Variants in PCDHGA4 observed in about 807,000 individuals in gnomAD.
PCDHGA4 encodes the protein protocadherin gamma subfamily A, 4.
A neutral mutation model predicts 54.6 loss-of-function variants in PCDHGA4; 38 were observed. That is an observed-to-expected ratio of 0.70 (90% confidence interval 0.54 to 0.91). The LOEUF (loss-of-function observed/expected upper bound fraction) is 0.91, where lower values mean the gene tolerates loss of function less well. Ranked by LOEUF, PCDHGA4 falls within the 40% of genes least tolerant of loss-of-function variation. The pLI, the probability that PCDHGA4 is intolerant of heterozygous loss-of-function variation, is 0.00. For synonymous variants in PCDHGA4, 511 were observed against 512.9 expected (o/e 1.00, Z 0.05); for missense variants, 1,298 against 1,220.9 (o/e 1.06, Z -0.94).
chr5:141,439,441 T>C (rs2098112892), intron 1 of PCDHGA4, among the ~76,000 whole-genome samples: 2 of 152,348 alleles, frequency 1.3e-5, no homozygotes, highest in South Asian at 4.1e-4. Context: ...GAATATTTTA[T>C]TGCGGGAGCA....
intron 1 of PCDHGA4, chr5:141,384,549 G>T (rs1561602881): frequency 6.2e-7 from 1 of 1,614,244 alleles, no homozygotes; most frequent in East Asian, 2.2e-5. Flanking sequence ...CACTGAGCCT[G>T]TTCGTGCTGG....
intron 1 of PCDHGA4, chr5:141,414,350 C>T (rs1450829111): frequency 1.9e-6 from 3 of 1,613,726 alleles, no homozygotes; most frequent in Admixed American, 1.7e-5. Flanking sequence ...TCCATTTTGG[C>T]GTATCTACCA....
rs1260157676 is a variant in PCDHGA4, at chr5:141,373,137, T to G, written c.2514+15516T>G. On this transcript the variant is annotated intron_variant, in intron 1 of 3. Transcript: ENST00000571252. ...CAGAATTAGACCCAAATCCTCACAA[T>G]TAAGTGGTTTACTTAGTTTTAATGC... Among the ~76,000 whole-genome samples, 5 of 152,372 alleles carry G rather than the reference T, an allele frequency of 3.3e-5. No individual in the cohort carries two copies. The East Asian group carries it at 7.7e-4, about 23-fold the overall frequency.
In PCDHGA4 at chr5:141,356,341, C is replaced by T. The variant is rs1022494499; in HGVS notation, c.1234C>T (p.Leu412=). 4.5e-6 allele frequency: 7 copies of T among 1,554,834 alleles called. No homozygotes were observed. Among genetic ancestry groups the T allele is most frequent in the Non-Finnish European group, 6.1e-6 (7 of 1,148,648 alleles). Residue 412 remains leucine, a synonymous_variant, in exon 1 of 4, where the codon CTA becomes TTA. Transcript: ENST00000571252. ...TGACAGTGACTCAGGAGGAAATGGC[C>T]TAGTCACATGTTCTATTCCAGATAA... ...VHDSDSGGNG[L]VTCSIPDNLP...
intron 1 of PCDHGA4, chr5:141,389,528 G>A (rs200792478): frequency 1.2e-6 from 2 of 1,613,210 alleles, no homozygotes; most frequent in East Asian, 2.2e-5. Context: ...GCCTGCGCGT[G>A]TTAGTGGACG....
At chr5:141,362,108 C>T in intron 1 of PCDHGA4, 13 of 1,613,972 alleles carry the variant, frequency 8.1e-6, no homozygotes, top group Non-Finnish European at 1.1e-5. Flanking sequence ...TCCGCTACGG[C>T]CACGCTGCAC....
rs2095943632 is a variant in PCDHGA4 at position 141,415,767 on chromosome 5, TTTTTTACTTTC to T, written c.2514+58148_2514+58158del. ...TTTTTTTTTTTTTTTTTTTTTTTTT[TTTTTTACTTTC>T]TGGTAAAATTCACCTAGTCTCAATC... is the stretch of plus-strand genomic sequence containing the variant. On this transcript the variant is annotated intron_variant, in intron 1 of 3. Transcript: ENST00000571252. 3.1e-6 allele frequency: 4 copies of T among 1,300,754 alleles called. No individual in the cohort carries two copies. The Admixed American group carries it at 1.4e-4, about 46-fold the overall frequency. The allele number at this position is 1,300,754 out of a possible 1,614,324, so 80.6% of individuals were successfully genotyped here.
In PCDHGA4 at chr5:141,489,750, C is replaced by T. The variant is rs753217170; in HGVS notation, c.2515-5057C>T. On this transcript the variant is annotated intron_variant, in intron 1 of 3. Coordinates refer to ENST00000571252, the MANE Select transcript of PCDHGA4 (RefSeq NM_018917.4). The surrounding 1 kb of genome is among the most constrained non-coding windows in gnomAD (Gnocchi z 4.5). ...TGGGCACCAATACTGTGAGCTTTTA[C>T]ACTCTAAGCCCCAACAGCCACTTCT... 1.2e-6 allele frequency: 2 copies of T among 1,614,098 alleles called. No homozygotes were observed. Among genetic ancestry groups the T allele is most frequent in the Admixed American group, 3.3e-5 (2 of 60,022 alleles).
chr5:141,425,559 G>A (rs1180113940), intron 1 of PCDHGA4, among the ~76,000 whole-genome samples: 2 of 152,176 alleles, frequency 1.3e-5, no homozygotes, highest in East Asian at 3.9e-4. Context: ...TCTTTTATAA[G>A]TGATAAGAAG....
At chr5:141,374,562 C>T in intron 1 of PCDHGA4, 2 of 1,613,702 alleles carry the variant, frequency 1.2e-6, no homozygotes, top group Non-Finnish European at 1.7e-6. Flanking sequence ...GTCTATGACC[C>T]TGATGTGGGA....
chr5:141,413,197 T>C (rs1429088178), intron 1 of PCDHGA4: 1 of 1,611,552 alleles, frequency 6.2e-7, no homozygotes, highest in Non-Finnish European at 8.5e-7. Flanking sequence ...AAGGAATCGC[T>C]CAAAGGAATC....
At chr5:141,360,282 C>T (rs777627634) in intron 1 of PCDHGA4, 1 of 1,613,984 alleles carries the variant, frequency 6.2e-7, no homozygotes, top group Non-Finnish European at 8.5e-7. Flanking sequence ...TCGTAGGAAA[C>T]CTCGCCAAGG....
chr5:141,510,435 C>T (rs938448523), intron 3 of PCDHGA4, among the ~76,000 whole-genome samples: 2 of 152,108 alleles, frequency 1.3e-5, no homozygotes, highest in Non-Finnish European at 2.9e-5. Context: ...ATGGCTGCTG[C>T]CCTCCAGGAG....
At chr5:141,475,218 A>G (rs2154572291) in intron 1 of PCDHGA4, among the ~76,000 whole-genome samples, 1 of 152,326 alleles carries the variant, frequency 6.6e-6, no homozygotes, top group African/African-American at 2.4e-5. Flanking sequence ...GGATTGATCA[A>G]GTAAAGGGAA....
chr5:141,355,808 A>AG lies in PCDHGA4; in HGVS notation c.703dup (p.Glu235GlyfsTer16), dbSNP rs750575688. On this transcript the variant is annotated frameshift_variant, in exon 1 of 4. Transcript: ENST00000571252. LOFTEE classifies it high-confidence loss of function. ...GTGCTGGAACGCGCTCTAGATCGCG[A>AG]GGAAGAGGCGGTTCACCACCTCGTT... The AG allele has an allele frequency of 5.0e-6, 8 of 1,613,360 alleles. No individual in the cohort carries two copies. In the South Asian group the frequency reaches 7.7e-5, roughly 16 times the overall value.
At chr5:141,470,227 C>A (rs1387947362) in intron 1 of PCDHGA4, among the ~76,000 whole-genome samples, 1 of 152,160 alleles carries the variant, frequency 6.6e-6, no homozygotes, top group Non-Finnish European at 1.5e-5. Flanking sequence ...AGCTTCTTCA[C>A]CAAACCCTTG....
intron 3 of PCDHGA4, among the ~76,000 whole-genome samples, chr5:141,507,918 G>C (rs1409126707): frequency 6.6e-6 from 1 of 152,208 alleles, no homozygotes; most frequent in Non-Finnish European, 1.5e-5. Flanking sequence ...CAGGCCTGTG[G>C]GGCTGCTGAG....
Position 141,490,447 on chromosome 5 carries a change from C to A in PCDHGA4, c.2515-4360C>A, listed in dbSNP as rs1273424450. 1.2e-6 allele frequency: 2 copies of A among 1,614,196 alleles called. No homozygotes were observed. The highest frequency in any genetic ancestry group is 1.7e-5 in the Admixed American group (1 of 60,030). Reference sequence around the variant, plus strand: ...ATTTCAGATTAAGCCTTCTGAGAACCACTACTCGCTGCTAACCAGCCAGCC... The same window carrying A: ...ATTTCAGATTAAGCCTTCTGAGAACAACTACTCGCTGCTAACCAGCCAGCC... On this transcript the variant is annotated intron_variant, in intron 1 of 3. Coordinates refer to ENST00000571252, the MANE Select transcript of PCDHGA4 (RefSeq NM_018917.4). This position sits in a 1 kb window ranked among gnomAD's most constrained non-coding sequence, Gnocchi z 5.4.
At position 141,393,626 on chromosome 5, in the gene PCDHGA4, G is replaced by C. The variant is rs2092811511; in HGVS notation, c.2514+36005G>C. ...CTGTAACAGCCAGCGACCCGGATGA[G>C]GGAATCAACGGAAAAGTGGCATACA... On this transcript the variant is annotated intron_variant, in intron 1 of 3. Coordinates refer to ENST00000571252, the MANE Select transcript of PCDHGA4 (RefSeq NM_018917.4). 10 of 1,613,922 alleles carry C rather than the reference G, an allele frequency of 6.2e-6. No individual in the cohort carries two copies. The highest frequency in any genetic ancestry group is 8.5e-6 in the Non-Finnish European group (10 of 1,179,904).
Sources: allele counts gnomAD v4.1 joint callset (sites outside exome capture counted in the v4.1 genomes callset), GRCh38; gene constraint gnomAD v4.1.1; non-coding constraint Gnocchi (gnomAD v3.1); transcripts MANE v1.5; gene names NCBI Gene and HGNC (gene_info 2026-07-23, HGNC 2026-07-21).